FAM120A: variants seen among roughly 807,000 people sequenced by gnomAD.
The protein encoded by FAM120A is constitutive coactivator of PPAR-gamma-like protein 1.
Under a neutral mutation model 109.7 loss-of-function variants are expected in FAM120A, and 15 were observed. The ratio of observed to expected loss-of-function variants is 0.14; its 90% confidence interval spans 0.09 to 0.21. The LOEUF (loss-of-function observed/expected upper bound fraction) is 0.21, where lower values mean the gene tolerates loss of function less well. Ranked by LOEUF, FAM120A falls within the 10% of genes least tolerant of loss-of-function variation. The pLI, the probability that FAM120A is intolerant of heterozygous loss-of-function variation, is 1.00. For missense variants in FAM120A, 899 were observed against 1,439.3 expected, an observed-to-expected ratio of 0.62 and a Z score of 6.07; for synonymous variants, 493 against 572.8, an observed-to-expected ratio of 0.86 and a Z score of 1.99.
At chr9:93,521,031 C>CTATGT (rs1273195277) in intron 7 of FAM120A, among the ~76,000 whole-genome samples, 3 of 152,132 alleles carry the variant, frequency 2.0e-5, no homozygotes, top group Non-Finnish European at 4.4e-5. Flanking sequence ...ACGTCATGGG[C>CTATGT]TATGTTACTC....
intron 5 of FAM120A, among the ~76,000 whole-genome samples, chr9:93,515,180 T>G (rs79838288): frequency 0.061 from 8,973 of 147,736 alleles, 161 homozygotes; most frequent in East Asian, 0.091. Context: ...GCTGAGAACC[T>G]AATGGTAGTT....
chr9:93,527,575 C>G (rs1047601297), intron 8 of FAM120A, among the ~76,000 whole-genome samples: 2 of 150,730 alleles, frequency 1.3e-5, no homozygotes, highest in African/African-American at 2.4e-5. Context: ...CCCCCACCCC[C>G]CTTTTTTCTT....
chr9:93,558,071 C>A, intron 14 of FAM120A, 61 bp downstream of exon 14: 1 of 1,464,390 alleles, frequency 6.8e-7, no homozygotes, highest in Non-Finnish European at 9.1e-7. Context: ...AAAGAAAGTG[C>A]AGCCCTTATA....
chr9:93,539,058 C>T (rs1354855463), intron 10 of FAM120A, among the ~76,000 whole-genome samples: 1 of 141,930 alleles, frequency 7.0e-6, no homozygotes, highest in East Asian at 2.4e-4. Context: ...AGTGGAGTGG[C>T]GCAATCTCGG....
chr9:93,555,264 C>A (rs765438836), intron 12 of FAM120A, among the ~76,000 whole-genome samples: 4 of 152,114 alleles, frequency 2.6e-5, no homozygotes, highest in Non-Finnish European at 4.4e-5. Context: ...GTATAAACAC[C>A]TTTTATAAAT....
At chr9:93,562,641 CT>C (rs1001657563) in intron 17 of FAM120A, among the ~76,000 whole-genome samples, 1 of 146,604 alleles carries the variant, frequency 6.8e-6, no homozygotes, top group Non-Finnish European at 1.5e-5. Context: ...CTTGTAGTTT[CT>C]TTTTTTTTCT....
At chr9:93,548,781 G>C (rs1408473655) in intron 11 of FAM120A, among the ~76,000 whole-genome samples, 1 of 152,084 alleles carries the variant, frequency 6.6e-6, no homozygotes, top group Non-Finnish European at 1.5e-5. Flanking sequence ...AGTGGCTCAC[G>C]CCTGTAATCC....
At chr9:93,492,425 C>T (rs943972253) in intron 3 of FAM120A, among the ~76,000 whole-genome samples, 3 of 152,118 alleles carry the variant, frequency 2.0e-5, no homozygotes, top group African/African-American at 7.2e-5. Flanking sequence ...TGTGGTGTTG[C>T]ATTTCTGTCT....
intron 1 of FAM120A, among the ~76,000 whole-genome samples, chr9:93,470,491 A>G (rs1005639788): frequency 2.0e-5 from 3 of 152,098 alleles, no homozygotes; most frequent in South Asian, 2.1e-4. Context: ...AGATTTTTTC[A>G]TCATTGAAAA....
In FAM120A at chr9:93,557,900, A is replaced by G. The variant is rs1322608375; in HGVS notation, c.2558A>G (p.His853Arg). ...LEGLSFSRQS[H>R]TLPFPPPPAL... ...GGGCTCAGCTTCTCCAGGCAGAGCCACACGCTCCCTTTCCCGCCGCCACCT... is the reference window on the plus strand; with the variant it reads ...GGGCTCAGCTTCTCCAGGCAGAGCCGCACGCTCCCTTTCCCGCCGCCACCT... Residue 853 changes from histidine (H) to arginine (R), a missense_variant, in exon 14 of 18, where the codon CAC becomes CGC. This residue lies in a region of FAM120A where 129 missense variants were observed against 153.4 expected (regional missense o/e 0.84). Coordinates refer to ENST00000277165, the MANE Select transcript of FAM120A (RefSeq NM_014612.5). 6.2e-7 allele frequency: 1 copy of G among 1,612,770 alleles called. No homozygotes were observed. Among genetic ancestry groups the G allele is most frequent in the Non-Finnish European group, 8.5e-7 (1 of 1,180,026 alleles).
intron 5 of FAM120A, among the ~76,000 whole-genome samples, chr9:93,513,813 T>C (rs1860447934): frequency 6.6e-6 from 1 of 152,228 alleles, no homozygotes; most frequent in African/African-American, 2.4e-5. Context: ...TTTGCACTCC[T>C]GGTCTCACCA....
At chr9:93,476,536 A>T (rs1360503294) in intron 3 of FAM120A, among the ~76,000 whole-genome samples, 198 bp downstream of exon 3, 1 of 152,242 alleles carries the variant, frequency 6.6e-6, no homozygotes, top group African/African-American at 2.4e-5. Flanking sequence ...CCTATATGTT[A>T]GGTAAATGTA....
chr9:93,471,028 C>G, intron 1 of FAM120A, 113 bp from the exon 2 acceptor site: 3 of 1,297,128 alleles, frequency 2.3e-6, no homozygotes, highest in Non-Finnish European at 3.2e-6. Context: ...TTGGCTTTCA[C>G]GGATAGTTTT....
At chr9:93,501,737 G>A (rs1859812089) in intron 5 of FAM120A, among the ~76,000 whole-genome samples, 1 of 152,212 alleles carries the variant, frequency 6.6e-6, no homozygotes. Flanking sequence ...CAAGCCTGGA[G>A]AGAGGCTTCA....
At chr9:93,562,959 C>T (rs1274245987) in intron 17 of FAM120A, among the ~76,000 whole-genome samples, 1 of 152,182 alleles carries the variant, frequency 6.6e-6, no homozygotes, top group Non-Finnish European at 1.5e-5. Context: ...GCCACCATGC[C>T]CAGCGGTCCT....
At chr9:93,517,313 T>A (rs1781597645) in intron 7 of FAM120A, among the ~76,000 whole-genome samples, 1 of 152,250 alleles carries the variant, frequency 6.6e-6, no homozygotes, top group African/African-American at 2.4e-5. Flanking sequence ...ATGCCAAGAC[T>A]CTAAAATGAA....
rs756246014 is a variant in FAM120A, at chr9:93,452,028, G to A, written c.113G>A (p.Arg38Gln). ...RGSLVGGGRQ[R>Q]PPQTPLRLLV... ...AGCCTGGTGGGCGGCGGGCGGCAGC[G>A]GCCCCCGCAGACCCCGCTGCGCCTG... The change falls in exon 1 of 18, where the codon CGG becomes CAG. Residue 38 changes from arginine to glutamine, a missense_variant. By Grantham distance (43) the Arg-to-Gln change is conservative. Transcript: ENST00000277165. This position sits in a 1 kb window ranked among gnomAD's most constrained non-coding sequence, Gnocchi z 7.0. 8 of 1,562,960 alleles carry A rather than the reference G, an allele frequency of 5.1e-6. No homozygotes were observed. In the African/African-American group the frequency reaches 8.1e-5, roughly 16 times the overall value.
intron 3 of FAM120A, among the ~76,000 whole-genome samples, chr9:93,490,332 A>C (rs1240522108): frequency 6.6e-6 from 1 of 152,238 alleles, no homozygotes; most frequent in African/African-American, 2.4e-5. Context: ...AAAATCATTT[A>C]ATCATTGTTT....
chr9:93,482,818 A>C (rs962162398), intron 3 of FAM120A, among the ~76,000 whole-genome samples: 10 of 152,098 alleles, frequency 6.6e-5, no homozygotes, highest in African/African-American at 2.4e-5. Flanking sequence ...TCCCAGATGG[A>C]CACCTGGGTG....
Sources: gnomAD v4.1 joint callset for allele counts (sites outside exome capture counted in the v4.1 genomes callset) on GRCh38, gnomAD v4.1.1 for gene constraint, gnomAD v4.1.1 regional missense constraint, Gnocchi (gnomAD v3.1) non-coding constraint, MANE v1.5 for transcripts, NCBI Gene and HGNC (gene_info 2026-07-23, HGNC 2026-07-21) for gene names.